The following PTK2 variants were observed in gnomAD, a reference collection of about 807,000 sequenced individuals.
The protein encoded by PTK2 is focal adhesion kinase 1.
A neutral mutation model predicts 150.1 loss-of-function variants in PTK2; 45 were observed. That is an observed-to-expected ratio of 0.30 (90% CI 0.24 to 0.38). The LOEUF (loss-of-function observed/expected upper bound fraction) is 0.38, where lower values mean the gene tolerates loss of function less well. Ranked by LOEUF, PTK2 falls within the 10% of genes least tolerant of loss-of-function variation. PTK2 has a pLI of 1.00. For missense variants in PTK2, 919 were observed against 1,307.3 expected, an observed-to-expected ratio of 0.70 and a Z score of 4.58; for synonymous variants, 432 against 449.2, an observed-to-expected ratio of 0.96 and a Z score of 0.48.
chr8:140,782,253 T>G (rs542784585), intron 14 of PTK2, among the ~76,000 whole-genome samples: 47 of 111,428 alleles, frequency 4.2e-4, no homozygotes, highest in African/African-American at 1.8e-3. Context: ...GTTTTTTTTT[T>G]TGGGGGGGGG....
chr8:140,943,593 A>C lies in PTK2; in HGVS notation c.-121-17844T>G, dbSNP rs564665949. Among the ~76,000 whole-genome samples the C allele has an allele frequency of 9.2e-5, 14 of 152,352 alleles. No individual in the cohort carries two copies. In the South Asian group the frequency reaches 2.5e-3, roughly 27 times the overall value. ...CATTTCTCTTGAGTAAATATTTAGA[A>C]GTAGGACTGCTGGGTTGGGTGACAA... On this transcript the variant is annotated intron_variant, in intron 1 of 31. Transcript: ENST00000522684.
At chr8:140,895,770 C>T (rs1463466532) in intron 2 of PTK2, among the ~76,000 whole-genome samples, 1 of 151,950 alleles carries the variant, frequency 6.6e-6, no homozygotes, top group Non-Finnish European at 1.5e-5. Flanking sequence ...GATGGATACC[C>T]CATTTAGCCT....
At chr8:140,892,378 T>C (rs1473681471) in intron 2 of PTK2, among the ~76,000 whole-genome samples, 1 of 151,724 alleles carries the variant, frequency 6.6e-6, no homozygotes, top group African/African-American at 2.4e-5. Flanking sequence ...TACAAAAAAA[T>C]TACAATAAAG....
rs553568227 is a variant in PTK2, at chr8:140,826,930, AAAG to A, written c.648+3539_648+3541del. Among the ~76,000 whole-genome samples, 23 of 152,032 alleles carry A rather than the reference AAAG, an allele frequency of 1.5e-4. 1 individual carries two copies. In the South Asian group the frequency reaches 4.8e-3, roughly 32 times the overall value. On this transcript the variant is annotated intron_variant, in intron 8 of 31. Transcript: ENST00000522684. ...GAGACCCTGTCTCTAAAAAAAAGGA[AAAG>A]AAGTTTTCTCAAGTCCCTCTAGTCA... is the stretch of plus-strand genomic sequence containing the variant.
intron 5 of PTK2, among the ~76,000 whole-genome samples, chr8:140,849,888 A>G (rs1253382903): frequency 6.6e-6 from 1 of 152,210 alleles, no homozygotes; most frequent in African/African-American, 2.4e-5. Context: ...GTTTGTACCT[A>G]CTACTTGTCA....
At chr8:140,839,579 TA>T (rs2100121043) in intron 7 of PTK2, among the ~76,000 whole-genome samples, 1 of 149,946 alleles carries the variant, frequency 6.7e-6, no homozygotes, top group Admixed American at 6.6e-5. Context: ...AATGAAAAAA[TA>T]TAAGTGGTAG....
chr8:140,665,938 T>C (rs1007406343), intron 30 of PTK2, among the ~76,000 whole-genome samples: 1 of 152,236 alleles, frequency 6.6e-6, no homozygotes, highest in Admixed American at 6.5e-5. Flanking sequence ...TGAACCAGAA[T>C]GGATTAACTG....
rs1391267064 is a variant in PTK2, at chr8:140,875,703, A to T, written c.362+3768T>A. Among the ~76,000 whole-genome samples, 6 of 152,280 alleles carry T rather than the reference A, an allele frequency of 3.9e-5. No homozygotes were observed. The South Asian group carries it at 1.2e-3, about 32-fold the overall frequency. On this transcript the variant is annotated intron_variant, in intron 4 of 31. Transcript: ENST00000522684. The stretch of plus-strand genomic sequence containing the variant: ...TCACAACTTCTATTATTATTCCCCT[A>T]CTGCACCATCTTTTAGGATTTTTGC...
At chr8:140,743,106 C>T (rs1311544593) in intron 20 of PTK2, 124 bp downstream of exon 23, 2 of 661,508 alleles carry the variant, frequency 3.0e-6, no homozygotes, top group Non-Finnish European at 2.5e-6. Context: ...AAGGCTGTCG[C>T]TTCCTCCATT....
intron 1 of PTK2, among the ~76,000 whole-genome samples, chr8:140,983,380 CAAAAAAA>C (rs34040387): frequency 3.8e-5 from 3 of 78,536 alleles, no homozygotes; most frequent in African/African-American, 9.8e-5. Flanking sequence ...GACTCCATCT[CAAAAAAA>C]AAAAAAAAAA....
At chr8:140,744,320 G>A (rs1248926258) in intron 19 of PTK2, among the ~76,000 whole-genome samples, 1 of 152,122 alleles carries the variant, frequency 6.6e-6, no homozygotes, top group Non-Finnish European at 1.5e-5. Context: ...CTGCTCTGCT[G>A]CCAAGTACAG....
At chr8:140,670,648 T>C (rs2095191253) in intron 29 of PTK2, among the ~76,000 whole-genome samples, 1 of 152,070 alleles carries the variant, frequency 6.6e-6, no homozygotes, top group South Asian at 2.1e-4. Context: ...TTTTATTTAA[T>C]GTGTTTTCTC....
chr8:140,716,786 T>A (rs1234761043), intron 23 of PTK2, among the ~76,000 whole-genome samples: 1 of 152,212 alleles, frequency 6.6e-6, no homozygotes, highest in Admixed American at 6.5e-5. Flanking sequence ...TAATAACTAC[T>A]AACTACAAAA....
At chr8:140,937,903 C>T (rs2100174252) in intron 1 of PTK2, among the ~76,000 whole-genome samples, 1 of 152,126 alleles carries the variant, frequency 6.6e-6, no homozygotes, top group African/African-American at 2.4e-5. Context: ...GCCCAGGCAA[C>T]ATAGCAACAC....
At chr8:140,955,434 T>C (rs555136472) in intron 1 of PTK2, among the ~76,000 whole-genome samples, 37 of 152,368 alleles carry the variant, frequency 2.4e-4, no homozygotes, top group Middle Eastern at 3.4e-3. Flanking sequence ...TCCCCAGCCA[T>C]GTGGGACTGT....
chr8:140,796,171 G>A (rs558188255), intron 12 of PTK2, among the ~76,000 whole-genome samples: 49 of 152,202 alleles, frequency 3.2e-4, no homozygotes, highest in African/African-American at 1.1e-3. Flanking sequence ...CTAGGACCCC[G>A]TGTTACTCTT....
intron 16 of PTK2, among the ~76,000 whole-genome samples, chr8:140,753,345 T>G (rs2100063886): frequency 6.6e-6 from 1 of 152,160 alleles, no homozygotes. Flanking sequence ...AAGGGGAAGA[T>G]CAGAAGCTCG....
chr8:140,961,674 GA>G lies in PTK2; in HGVS notation c.-121-35926del, dbSNP rs548817956. Among the ~76,000 whole-genome samples the G allele has an allele frequency of 8.0e-3, 900 of 113,184 alleles. 4 individuals carry two copies. Among genetic ancestry groups the G allele is most frequent in the East Asian group, 0.036 (140 of 3,926 alleles). The allele number at this position is 113,184 out of a possible 152,430, so 74.3% of individuals were successfully genotyped here. ...GAGACTCCATCTCAAAAAGAAAAAA[GA>G]AAAAAAAAAAAAGATTTGGTACTAC... On this transcript the variant is annotated intron_variant, in intron 1 of 31. Transcript: ENST00000522684.
intron 1 of PTK2, among the ~76,000 whole-genome samples, chr8:140,949,787 A>C (rs1427064510): frequency 6.6e-6 from 1 of 152,150 alleles, no homozygotes; most frequent in Non-Finnish European, 1.5e-5. Context: ...CCTGGATAGA[A>C]AGGGGCAGGT....
Sources: allele counts gnomAD v4.1 joint callset (sites outside exome capture counted in the v4.1 genomes callset), GRCh38; gene constraint gnomAD v4.1.1; transcripts MANE v1.5; gene names NCBI Gene and HGNC (gene_info 2026-07-23, HGNC 2026-07-21).